TTC23: variants seen among roughly 807,000 people sequenced by gnomAD.
TTC23 encodes tetratricopeptide repeat protein 23.
Under a neutral mutation model 55.1 loss-of-function variants are expected in TTC23, and 58 were observed. The observed-to-expected ratio is 1.05, with a 90% CI of 0.85 to 1.31. The LOEUF (loss-of-function observed/expected upper bound fraction) is 1.31. TTC23 is among the 50% of genes most tolerant of loss of function. The pLI, the probability that TTC23 is intolerant of heterozygous loss-of-function variation, is 0.00. For missense variants in TTC23, 516 were observed against 534.4 expected (o/e 0.97, Z 0.34); for synonymous variants, 203 against 199.9 (o/e 1.02, Z -0.13).
chr15:99,249,788 G>A (rs2080565841), upstream of TTC23: 1 of 152,124 alleles, frequency 6.6e-6, no homozygotes, highest in Admixed American at 6.5e-5. Flanking sequence ...CAGCTTAGAG[G>A]ATTTTTTTCC....
intron 6 of TTC23, 110 bp from the exon 7 acceptor site, chr15:99,219,158 T>C (rs2077709819): frequency 7.9e-7 from 1 of 1,262,850 alleles, no homozygotes; most frequent in Non-Finnish European, 1.1e-6. Flanking sequence ...TATTGTCAAA[T>C]GACACATGGA....
chr15:99,192,751 G>A (rs962017494), intron 9 of TTC23, among the ~76,000 whole-genome samples: 2 of 152,160 alleles, frequency 1.3e-5, no homozygotes, highest in African/African-American at 2.4e-5. Context: ...TGAGAAGAGG[G>A]CCACCGTCCT....
chr15:99,239,770 C>T (rs1209562854), intron 3 of TTC23, among the ~76,000 whole-genome samples: 1 of 152,144 alleles, frequency 6.6e-6, no homozygotes, highest in Non-Finnish European at 1.5e-5. Context: ...GATTCAAGAA[C>T]CTGTGCTGTC....
At chr15:99,235,786 G>A (rs939568626) in intron 3 of TTC23, among the ~76,000 whole-genome samples, 2 of 152,086 alleles carry the variant, frequency 1.3e-5, no homozygotes, top group Non-Finnish European at 2.9e-5. Context: ...CTGACACTCT[G>A]TACTCATTAA....
intron 4 of TTC23, among the ~76,000 whole-genome samples, chr15:99,231,544 T>G (rs535016567): frequency 2.6e-5 from 4 of 152,312 alleles, no homozygotes; most frequent in South Asian, 2.1e-4. Context: ...CAGGCTGGAG[T>G]GCAGTTGGCA....
At chr15:99,196,707 C>A (rs1463088449) in intron 9 of TTC23, among the ~76,000 whole-genome samples, 1 of 152,194 alleles carries the variant, frequency 6.6e-6, no homozygotes, top group Non-Finnish European at 1.5e-5. Flanking sequence ...CAGTCATCAT[C>A]TCTGAGTTAT....
At chr15:99,213,982 G>C (rs987461426) in intron 8 of TTC23, among the ~76,000 whole-genome samples, 1 of 152,200 alleles carries the variant, frequency 6.6e-6, no homozygotes, top group Admixed American at 6.5e-5. Flanking sequence ...GTTTTCTAAA[G>C]TAGTTACACC....
intron 8 of TTC23, among the ~76,000 whole-genome samples, chr15:99,206,228 G>A (rs1184884099): frequency 6.6e-6 from 1 of 151,964 alleles, no homozygotes; most frequent in East Asian, 1.9e-4. Flanking sequence ...TGGGTTTGAG[G>A]ATTTTGTATC....
At chr15:99,178,127 A>G (rs1370773905) in intron 9 of TTC23, among the ~76,000 whole-genome samples, 3 of 152,218 alleles carry the variant, frequency 2.0e-5, no homozygotes, top group African/African-American at 7.2e-5. Flanking sequence ...GACTGCAGTG[A>G]GCCGTGATCG....
chr15:99,220,627 G>T (rs1399655885), intron 6 of TTC23, among the ~76,000 whole-genome samples: 1 of 152,208 alleles, frequency 6.6e-6, no homozygotes, highest in Non-Finnish European at 1.5e-5. Context: ...TCTATAATCA[G>T]ATTTGGCCAA....
At chr15:99,232,629 G>T (rs2079022686) in intron 4 of TTC23, among the ~76,000 whole-genome samples, 1 of 151,996 alleles carries the variant, frequency 6.6e-6, no homozygotes, top group Non-Finnish European at 1.5e-5. Flanking sequence ...TGTTAAAATG[G>T]CTATGATTAA....
chr15:99,217,478 AC>A (rs1349179188), intron 8 of TTC23, among the ~76,000 whole-genome samples: 1 of 152,202 alleles, frequency 6.6e-6, no homozygotes, highest in Non-Finnish European at 1.5e-5. Context: ...AATTTTAAAC[AC>A]ATAAATATAT....
chr15:99,186,569 TTG>T (rs1451675056), intron 9 of TTC23, among the ~76,000 whole-genome samples: 1 of 152,054 alleles, frequency 6.6e-6, no homozygotes, highest in African/African-American at 2.4e-5. Context: ...TTTAGAAAAC[TTG>T]TGTGGCAAAA....
rs2067845459 is a variant in TTC23, at chr15:99,138,707, T to C, written c.1227-580A>G. 1.3e-5 allele frequency among the ~76,000 whole-genome samples: 2 copies of C among 152,216 alleles called. 1 individual carries two copies. The highest frequency in any genetic ancestry group is 4.1e-4 in the South Asian group (2 of 4,832). Reference sequence around the variant, plus strand: ...GTGAGCAGGACATGGGTGAGGAGGATGGTCAGGGTTGCACTGGAGGCCTCC... The same window carrying C: ...GTGAGCAGGACATGGGTGAGGAGGACGGTCAGGGTTGCACTGGAGGCCTCC... On this transcript the variant is annotated intron_variant, in intron 13 of 13. Coordinates refer to ENST00000394132, the MANE Select transcript of TTC23 (RefSeq NM_001288615.3).
rs1054534235 is a variant in TTC23, at chr15:99,179,480, C to T, written c.760-4325G>A. 1.4e-4 allele frequency among the ~76,000 whole-genome samples: 21 copies of T among 152,334 alleles called. 1 individual carries two copies. Among genetic ancestry groups the T allele is most frequent in the African/African-American group, 5.1e-4 (21 of 41,578 alleles). On this transcript the variant is annotated intron_variant, in intron 9 of 13. Transcript: ENST00000394132. ...GAGATGGTAAAAAATGGGGAACCAC[C>T]TAAATATCTATCAGCAGGGGAATGA...
chr15:99,209,453 G>A (rs1354333857), intron 8 of TTC23, among the ~76,000 whole-genome samples: 1 of 152,206 alleles, frequency 6.6e-6, no homozygotes, highest in African/African-American at 2.4e-5. Flanking sequence ...GTCTACATCA[G>A]TGAATGTAAT....
chr15:99,242,943 A>T (rs890967157), intron 2 of TTC23, among the ~76,000 whole-genome samples: 2 of 152,222 alleles, frequency 1.3e-5, no homozygotes, highest in African/African-American at 4.8e-5. Context: ...GTCTGGGGAA[A>T]GAATTCTTAA....
intron 8 of TTC23, among the ~76,000 whole-genome samples, chr15:99,201,235 G>C (rs993052033): frequency 2.0e-5 from 3 of 152,080 alleles, no homozygotes; most frequent in African/African-American, 7.2e-5. Flanking sequence ...TACCTTCTTA[G>C]AATAAGAATC....
intron 9 of TTC23, among the ~76,000 whole-genome samples, chr15:99,187,944 A>G (rs1248293524): frequency 1.3e-5 from 2 of 152,070 alleles, no homozygotes; most frequent in East Asian, 3.8e-4. Flanking sequence ...AGTTCCTTGG[A>G]AAGTTAAATA....
Sources: gnomAD v4.1 joint callset for allele counts (sites outside exome capture counted in the v4.1 genomes callset) on GRCh38, gnomAD v4.1.1 for gene constraint, MANE v1.5 for transcripts, NCBI Gene and HGNC (gene_info 2026-07-23, HGNC 2026-07-21) for gene names.